The following SHROOM4 variants were observed in gnomAD, a reference collection of about 807,000 sequenced individuals.
SHROOM4 encodes shroom family member 4, also known as protein Shroom4.
Under a neutral mutation model 80.3 loss-of-function variants are expected in SHROOM4, and 17 were observed. That is an observed-to-expected ratio of 0.21 (90% CI 0.14 to 0.32). The LOEUF (loss-of-function observed/expected upper bound fraction) is 0.32, where lower values mean the gene tolerates loss of function less well. Among genes scored for constraint, SHROOM4 ranks in the 10% least tolerant of loss-of-function variants. The probability of loss-of-function intolerance (pLI) is 1.00; values close to 1 mark genes in which losing one functional copy is unlikely to be tolerated. For synonymous variants in SHROOM4, 400 were observed against 437.5 expected (o/e 0.91, Z 1.07); for missense variants, 993 against 1,140.3 (o/e 0.87, Z 1.86).
rs1211320798 is a variant in SHROOM4, at chrX:50,589,306, T to A, written c.*7389A>T. 1.8e-5 allele frequency among the ~76,000 whole-genome samples: 2 copies of A among 111,925 alleles called. No individual in the cohort carries two copies. Among genetic ancestry groups the A allele is most frequent in the Non-Finnish European group, 3.8e-5 (2 of 53,186 alleles). ...AAAAACACACTTATTGAGAAATAAT[T>A]CATATACCATTTAGCACACCCATTT... On this transcript the variant is annotated 3_prime_UTR_variant, in exon 9 of 9. Transcript: ENST00000376020.
rs1444843245 is a variant in SHROOM4 at position 50,768,773 on chromosome X, G to A, written c.117+45129C>T. Among the ~76,000 whole-genome samples, 3 of 111,924 alleles carry A rather than the reference G, an allele frequency of 2.7e-5. No individual in the cohort carries two copies. The East Asian group carries it at 8.4e-4, about 31-fold the overall frequency. On this transcript the variant is annotated intron_variant, in intron 1 of 8. Coordinates refer to ENST00000376020, the MANE Select transcript of SHROOM4 (RefSeq NM_020717.5). ...CATCTAAAGTAAAAATATAATGCAG[G>A]TTGATAGGCAGGAAAGGAAAGAGGA...
At chrX:50,764,154 G>A (rs782160688) in intron 1 of SHROOM4, among the ~76,000 whole-genome samples, 15 of 111,355 alleles carry the variant, frequency 1.3e-4, no homozygotes, top group Non-Finnish European at 2.8e-4. Flanking sequence ...AATTTTTGTC[G>A]TTCCTTACTG....
intron 2 of SHROOM4, among the ~76,000 whole-genome samples, chrX:50,685,159 A>G (rs1460287208): frequency 1.8e-5 from 2 of 112,074 alleles, no homozygotes. Context: ...GGACGAAGGA[A>G]AAGGAAATAG....
intron 1 of SHROOM4, among the ~76,000 whole-genome samples, chrX:50,790,757 G>C (rs1256108056): frequency 9.0e-6 from 1 of 111,384 alleles, no homozygotes; most frequent in Non-Finnish European, 1.9e-5. Flanking sequence ...TTCATAAAAA[G>C]CTCTCAACAA....
At chrX:50,719,466 C>G (rs1557265247) in intron 1 of SHROOM4, among the ~76,000 whole-genome samples, 1 of 111,948 alleles carries the variant, frequency 8.9e-6, no homozygotes, top group Non-Finnish European at 1.9e-5. Context: ...TCAGGTCTCA[C>G]CATTCCCTCC....
rs1416579785 is a variant in SHROOM4 at position 50,635,128 on chromosome X, A to T, written c.945T>A (p.Pro315=). 26 of 1,209,547 alleles carry T rather than the reference A, an allele frequency of 2.1e-5. No individual in the cohort carries two copies. Among genetic ancestry groups the T allele is most frequent in the Non-Finnish European group, 2.9e-5 (26 of 894,852 alleles). ...LPQKEKLSLE[P]VLPARNPNRF... The stretch of plus-strand genomic sequence containing the variant: ...TATTAGGGTTCCTTGCGGGTAGCAC[A>T]GGCTCTAAGCTCAGTTTCTCCTTCT... Residue 315 remains proline (P), a synonymous_variant, in exon 4 of 9, where the codon CCT becomes CCA. Coordinates refer to ENST00000376020, the MANE Select transcript of SHROOM4 (RefSeq NM_020717.5).
chrX:50,721,808 C>A (rs1266199897), intron 1 of SHROOM4, among the ~76,000 whole-genome samples: 6 of 111,545 alleles, frequency 5.4e-5, no homozygotes, highest in Non-Finnish European at 1.1e-4. Context: ...CAGCATCTAC[C>A]CCCATAGCCC....
At chrX:50,808,220 C>T (rs1189757226) in intron 1 of SHROOM4, among the ~76,000 whole-genome samples, 1 of 112,073 alleles carries the variant, frequency 8.9e-6, no homozygotes, top group African/African-American at 3.2e-5. Flanking sequence ...TGATGCTATC[C>T]AGAGGATACA....
intron 5 of SHROOM4, among the ~76,000 whole-genome samples, chrX:50,611,722 C>A (rs980209451): frequency 1.8e-5 from 2 of 110,300 alleles, no homozygotes; most frequent in Admixed American, 1.9e-4. Context: ...GAGTTCCAGA[C>A]GAGGCTGTCC....
At chrX:50,717,083 C>T (rs1159474427) in intron 1 of SHROOM4, among the ~76,000 whole-genome samples, 1 of 112,429 alleles carries the variant, frequency 8.9e-6, no homozygotes, top group Non-Finnish European at 1.9e-5. Context: ...CTCTACAGCA[C>T]TTCCAGGCTG....
intron 1 of SHROOM4, among the ~76,000 whole-genome samples, chrX:50,751,476 A>G (rs1288164874): frequency 8.9e-6 from 1 of 111,950 alleles, no homozygotes; most frequent in Non-Finnish European, 1.9e-5. Flanking sequence ...GACATTCTGT[A>G]CGTCAGGAAG....
chrX:50,751,229 A>T (rs1466897512), intron 1 of SHROOM4, among the ~76,000 whole-genome samples: 1 of 112,004 alleles, frequency 8.9e-6, no homozygotes, highest in African/African-American at 3.2e-5. Flanking sequence ...CCCATGTGAT[A>T]CTACCACTTT....
intron 1 of SHROOM4, among the ~76,000 whole-genome samples, chrX:50,751,232 A>G (rs782084716): frequency 8.9e-6 from 1 of 111,939 alleles, no homozygotes; most frequent in East Asian, 2.8e-4. Context: ...ATGTGATACT[A>G]CCACTTTGGT....
At chrX:50,767,296 T>C (rs781807436) in intron 1 of SHROOM4, among the ~76,000 whole-genome samples, 1 of 112,198 alleles carries the variant, frequency 8.9e-6, no homozygotes, top group East Asian at 2.8e-4. Context: ...CTAAGCAAAA[T>C]CTGGCATGTC....
intron 1 of SHROOM4, among the ~76,000 whole-genome samples, chrX:50,800,142 C>T (rs781816549): frequency 6.2e-5 from 7 of 112,140 alleles, no homozygotes; most frequent in Admixed American, 2.8e-4. Context: ...TCATTCAAGG[C>T]TCACCCCACT....
At chrX:50,637,904 G>A (rs1282731287) in intron 3 of SHROOM4, among the ~76,000 whole-genome samples, 2 of 112,006 alleles carry the variant, frequency 1.8e-5, no homozygotes, top group Non-Finnish European at 3.8e-5. Context: ...AGAACAGCTA[G>A]TGAAATAGAA....
intron 5 of SHROOM4, among the ~76,000 whole-genome samples, chrX:50,627,233 T>C (rs1305347140): frequency 2.7e-5 from 3 of 111,816 alleles, no homozygotes; most frequent in African/African-American, 9.8e-5. Flanking sequence ...ATTTCACCCA[T>C]TAATGGTGGA....
chrX:50,774,206 G>A (rs113822360), intron 1 of SHROOM4, among the ~76,000 whole-genome samples: 181 of 111,264 alleles, frequency 1.6e-3, no homozygotes, highest in Non-Finnish European at 2.7e-3. Flanking sequence ...GCTAGGGCCT[G>A]GTTCCCTTTC....
In SHROOM4 at chrX:50,635,258, C is replaced by A; in HGVS notation, c.815G>T (p.Gly272Val). The A allele has an allele frequency of 8.3e-7, 1 of 1,202,079 alleles. No homozygotes were observed. The highest frequency in any genetic ancestry group is 1.1e-6 in the Non-Finnish European group (1 of 890,639). The stretch of plus-strand genomic sequence containing the variant: ...CCGCCTCACTGGAGGTTGTGGTGGG[C>A]CCCTGACTGCTTTGGCGGGCCCTGA... ...YQSGPAKAVR[G>V]PPQPPVRRDS... The change falls in exon 4 of 9, where the codon GGC (glycine) becomes GTC (valine). Residue 272 changes from glycine to valine, a missense_variant. By Grantham distance (109) the Gly-to-Val change is moderately radical. Transcript: ENST00000376020.
Sources: gnomAD v4.1 joint callset for allele counts (sites outside exome capture counted in the v4.1 genomes callset) on GRCh38, gnomAD v4.1.1 for gene constraint, MANE v1.5 for transcripts, NCBI Gene and HGNC (gene_info 2026-07-23, HGNC 2026-07-21) for gene names.